DLGAP1: variants seen among roughly 807,000 people sequenced by gnomAD.
The protein encoded by DLGAP1 is DLG associated protein 1.
A neutral mutation model predicts 90.8 loss-of-function variants in DLGAP1; 11 were observed. The ratio of observed to expected loss-of-function variants is 0.12; its 90% CI spans 0.08 to 0.20. The LOEUF (loss-of-function observed/expected upper bound fraction) is 0.20, where lower values mean the gene tolerates loss of function less well. DLGAP1 is among the 10% of genes least tolerant of loss of function. The probability of loss-of-function intolerance (pLI) is 1.00; values close to 1 mark genes in which losing one functional copy is unlikely to be tolerated. For synonymous variants in DLGAP1, 558 were observed against 540.7 expected, an observed-to-expected ratio of 1.03 and a Z score of -0.44; for missense variants, 1,050 against 1,333.8, an observed-to-expected ratio of 0.79 and a Z score of 3.31.
intron 2 of DLGAP1, among the ~76,000 whole-genome samples, chr18:4,095,473 T>G (rs1250162429): frequency 6.6e-6 from 1 of 152,174 alleles, no homozygotes; most frequent in Non-Finnish European, 1.5e-5. Flanking sequence ...TACTTCCTTT[T>G]CCAGGGGTGC....
rs555426759 is a variant in DLGAP1 at position 4,365,254 on chromosome 18, T to A, written c.-267+89752A>T. ...ACACAGCAATATTAGAAAAGAAGAA[T>A]CTGAAAACAGTACCCTAAGCTTCTA... On this transcript the variant is annotated intron_variant, in intron 1 of 12. Coordinates refer to ENST00000315677, the MANE Select transcript of DLGAP1 (RefSeq NM_004746.4). Among the ~76,000 whole-genome samples, 4 of 152,196 alleles carry A rather than the reference T, an allele frequency of 2.6e-5. No homozygotes were observed. In the South Asian group the frequency reaches 8.3e-4, roughly 32 times the overall value.
At chr18:3,889,233 AC>A (rs1032198262) in intron 3 of DLGAP1, among the ~76,000 whole-genome samples, 4 of 152,222 alleles carry the variant, frequency 2.6e-5, no homozygotes, top group Non-Finnish European at 5.9e-5. Context: ...ATGGAAAAAC[AC>A]AAAAACAATG....
At chr18:4,377,250 C>T (rs901049889) in intron 1 of DLGAP1, among the ~76,000 whole-genome samples, 1 of 152,146 alleles carries the variant, frequency 6.6e-6, no homozygotes, top group Non-Finnish European at 1.5e-5. Context: ...GTGATGCACC[C>T]TGCCTCTTGC....
At chr18:3,639,912 A>G (rs7229019) in intron 7 of DLGAP1, among the ~76,000 whole-genome samples, 37,404 of 130,906 alleles carry the variant, frequency 0.29, 8,468 homozygotes, top group African/African-American at 0.56. Flanking sequence ...CCGCCACCAC[A>G]CCCGGCTAAT....
intron 7 of DLGAP1, among the ~76,000 whole-genome samples, chr18:3,583,139 GACCGACCT>G (rs1311851754): frequency 8.6e-6 from 1 of 115,880 alleles, no homozygotes; most frequent in Non-Finnish European, 1.8e-5. Context: ...CTGCCTGACT[GACCGACCT>G]ACCTACCTAC....
intron 9 of DLGAP1, among the ~76,000 whole-genome samples, chr18:3,542,308 T>C (rs2052737938): frequency 6.6e-6 from 1 of 152,222 alleles, no homozygotes. Context: ...CACACAAAGC[T>C]TGCTCTAGAC....
intron 7 of DLGAP1, chr18:3,655,406 T>C (rs1248469374): frequency 6.6e-6 from 1 of 152,234 alleles, no homozygotes; most frequent in Admixed American, 6.5e-5. Context: ...CATTTTAATA[T>C]TCTTGGGGTT....
intron 1 of DLGAP1, among the ~76,000 whole-genome samples, chr18:4,379,100 T>C (rs1414838105): frequency 6.6e-6 from 1 of 152,140 alleles, no homozygotes; most frequent in Non-Finnish European, 1.5e-5. Context: ...AATCAATTAC[T>C]AGTAGTTCTT....
At chr18:4,170,634 A>G (rs533058847) in intron 1 of DLGAP1, among the ~76,000 whole-genome samples, 5 of 152,302 alleles carry the variant, frequency 3.3e-5, no homozygotes, top group Non-Finnish European at 7.3e-5. Context: ...GACACTACAT[A>G]AGAGTTACCA....
chr18:3,762,402 A>G (rs1481420218), intron 5 of DLGAP1, among the ~76,000 whole-genome samples: 1 of 152,248 alleles, frequency 6.6e-6, no homozygotes, highest in Non-Finnish European at 1.5e-5. Context: ...AGTGACCTAC[A>G]TGCTGCTTTG....
intron 2 of DLGAP1, among the ~76,000 whole-genome samples, chr18:4,071,979 G>C (rs1371112573): frequency 6.6e-6 from 1 of 152,146 alleles, no homozygotes; most frequent in East Asian, 1.9e-4. Context: ...TTAAAATACA[G>C]AATATAATGA....
chr18:3,610,969 G>A (rs1299644087), intron 7 of DLGAP1, among the ~76,000 whole-genome samples: 2 of 150,300 alleles, frequency 1.3e-5, no homozygotes, highest in East Asian at 2.0e-4. Context: ...ATGTGTGCAC[G>A]TTAGCGAAAT....
At chr18:3,680,745 C>T (rs1394806976) in intron 7 of DLGAP1, among the ~76,000 whole-genome samples, 3 of 149,264 alleles carry the variant, frequency 2.0e-5, no homozygotes, top group Non-Finnish European at 4.4e-5. Flanking sequence ...GCCGAGATCG[C>T]GCCACTGCAC....
chr18:3,635,293 G>A (rs985969308), intron 7 of DLGAP1, among the ~76,000 whole-genome samples: 13 of 151,972 alleles, frequency 8.6e-5, no homozygotes, highest in African/African-American at 2.4e-4. Flanking sequence ...ACCACGCCCG[G>A]CTGATTTTTT....
At chr18:3,986,665 C>T (rs375644733) in intron 3 of DLGAP1, 1 of 152,204 alleles carries the variant, frequency 6.6e-6, no homozygotes, top group African/African-American at 2.4e-5. Flanking sequence ...CTAGAAAGAC[C>T]AAATGAGAAG....
At chr18:3,958,921 T>C (rs1054114309) in intron 3 of DLGAP1, among the ~76,000 whole-genome samples, 2 of 152,234 alleles carry the variant, frequency 1.3e-5, no homozygotes, top group African/African-American at 4.8e-5. Context: ...CAAGGAAGGC[T>C]TCTAGTTATC....
intron 3 of DLGAP1, among the ~76,000 whole-genome samples, chr18:3,902,549 T>C (rs2071807203): frequency 6.6e-6 from 1 of 152,204 alleles, no homozygotes; most frequent in Non-Finnish European, 1.5e-5. Flanking sequence ...AGTTTCACAA[T>C]AGATCTGGCT....
chr18:4,067,706 T>C (rs12607227), intron 2 of DLGAP1, among the ~76,000 whole-genome samples: 65,539 of 151,724 alleles, frequency 0.43, 15,099 homozygotes, highest in African/African-American at 0.59. Flanking sequence ...CTCTCTTCTA[T>C]TGATTCCAGG....
chr18:4,038,183 C>T (rs2074919927), intron 2 of DLGAP1, among the ~76,000 whole-genome samples: 3 of 152,274 alleles, frequency 2.0e-5, no homozygotes, highest in South Asian at 4.1e-4. Context: ...TATATTAAGG[C>T]AAAAGACTTG....
Sources: gnomAD v4.1 joint callset for allele counts (sites outside exome capture counted in the v4.1 genomes callset) on GRCh38, gnomAD v4.1.1 for gene constraint, MANE v1.5 for transcripts, NCBI Gene and HGNC (gene_info 2026-07-23, HGNC 2026-07-21) for gene names.